Variants in RAPGEF3 observed in about 807,000 individuals in gnomAD.
RAPGEF3 encodes the protein 9330170P05Rik.
RAPGEF3 carries 103 observed loss-of-function variants against 129.8 expected under a neutral mutation model. The ratio of observed to expected loss-of-function variants is 0.79; its 90% CI spans 0.68 to 0.93. The LOEUF is 0.93. Among genes scored for constraint, RAPGEF3 ranks in the 40% least tolerant of loss-of-function variants. The probability of loss-of-function intolerance (pLI) is 0.00; values close to 1 mark genes in which losing one functional copy is unlikely to be tolerated. For missense variants in RAPGEF3, 1,117 were observed against 1,207.4 expected, an observed-to-expected ratio of 0.93 and a Z score of 1.11; for synonymous variants, 436 against 482.6, an observed-to-expected ratio of 0.90 and a Z score of 1.26.
At chr12:47,741,176 GTC>G in intron 19 of RAPGEF3, 136 bp from the exon 20 acceptor site, 1 of 1,114,584 alleles carries the variant, frequency 9.0e-7, no homozygotes, top group Non-Finnish European at 1.3e-6. Flanking sequence ...GGAGTAGAGG[GTC>G]TCTAGGGGCT....
At position 47,740,816 on chromosome 12, in the gene RAPGEF3, A is replaced by G. The variant is rs369449081; in HGVS notation, c.2057T>C (p.Leu686Pro). 16 of 1,613,750 alleles carry G rather than the reference A, an allele frequency of 9.9e-6. No individual in the cohort carries two copies. In the African/African-American group the frequency reaches 1.9e-4, roughly 19 times the overall value. ...SLFNSIHQVE[L>P]IHYVLGPQHL... ...CTGGGGGCCCAGCACATAGTGGATCAGCTCCACCTGGGTGGGGTCAGCAGG... is the reference window on the plus strand; with the variant it reads ...CTGGGGGCCCAGCACATAGTGGATCGGCTCCACCTGGGTGGGGTCAGCAGG... Residue 686 changes from leucine (L) to proline (P), a missense_variant, in exon 21 of 28, where the codon CTG (leucine) becomes CCG (proline). This residue lies in a region of RAPGEF3 where 643 missense variants were observed against 673.4 expected (regional missense o/e 0.95). Coordinates refer to ENST00000449771, the MANE Select transcript of RAPGEF3 (RefSeq NM_001098531.4).
Position 47,743,562 on chromosome 12 carries a change from C to T in RAPGEF3, c.1793G>A (p.Gly598Glu). The change falls in exon 18 of 28, where the codon GGG (glycine) becomes GAG (glutamate). Residue 598 changes from glycine to glutamate, a missense_variant. Physicochemically the swap from Gly to Glu is moderately conservative, Grantham distance 98. Transcript: ENST00000449771. ...ALAQEDGWTK[G>E]QVLVKVNSAG... ...AGAATTGACCTTCACCAGCACCTGCCCCTTGGTCCAGCCATCCTCCTGGGC... is the reference window on the plus strand; with the variant it reads ...AGAATTGACCTTCACCAGCACCTGCTCCTTGGTCCAGCCATCCTCCTGGGC... 6.2e-7 allele frequency: 1 copy of T among 1,614,162 alleles called. No individual in the cohort carries two copies. Among genetic ancestry groups the T allele is most frequent in the Non-Finnish European group, 8.5e-7 (1 of 1,180,002 alleles).
At chr12:47,750,909 C>T (rs1941701852) in intron 6 of RAPGEF3, 139 bp downstream of exon 6, 11 of 1,248,936 alleles carry the variant, frequency 8.8e-6, no homozygotes, top group Admixed American at 5.4e-5. Context: ...TGGCAGTCAG[C>T]GCCAGGGGCT....
At chr12:47,748,968 T>C (rs1941589696) in intron 10 of RAPGEF3, 37 bp from the exon 11 acceptor site, 14 of 1,519,084 alleles carry the variant, frequency 9.2e-6, no homozygotes, top group Middle Eastern at 1.7e-4. Flanking sequence ...CAACTCATGA[T>C]GTTCCAGCTT....
At chr12:47,748,672 G>T in intron 11 of RAPGEF3, 130 bp from the exon 12 acceptor site, 1 of 1,032,726 alleles carries the variant, frequency 9.7e-7, no homozygotes, top group Non-Finnish European at 1.5e-6. Flanking sequence ...GCAGGGAGGA[G>T]ACTGGCTCAG....
chr12:47,758,777 T>C lies in RAPGEF3; in HGVS notation c.-221A>G. 1 of 803,602 alleles carries C rather than the reference T, an allele frequency of 1.2e-6. No homozygotes were observed. 49.8% of individuals were successfully genotyped at this position (803,602 alleles called of 1,614,324 possible). A position where few individuals can be genotyped will look rare whatever the true frequency, so the allele number is the denominator to read the frequency against. ...GGTGAGTAGAGGGGTGGGGGCGTGG[T>C]GGGGGGACGCCACCCAGCCACCGGC... On this transcript the variant is annotated 5_prime_UTR_variant, in exon 1 of 28. Transcript: ENST00000449771.
At chr12:47,738,644 C>T in intron 25 of RAPGEF3, 46 bp downstream of exon 25, 4 of 1,507,840 alleles carry the variant, frequency 2.7e-6, no homozygotes, top group South Asian at 1.1e-5. Flanking sequence ...ACAGTCATGT[C>T]CTCCAACCTA....
intron 2 of RAPGEF3, among the ~76,000 whole-genome samples, chr12:47,753,322 C>A (rs1006463448): frequency 2.6e-5 from 4 of 152,188 alleles, no homozygotes; most frequent in Admixed American, 2.0e-4. Flanking sequence ...TCTCCCTACA[C>A]CCACCCCACC....
Position 47,740,125 on chromosome 12 carries a change from A to G in RAPGEF3, c.2373+16T>C. On this transcript the variant is annotated intron_variant, in intron 23 of 27. Transcript: ENST00000449771. ...TGATCCTAGCAGAGCCAGGCCGGGCAGGGTGGAGCACTCACCAGCAGCCTC... is the reference window on the plus strand; with the variant it reads ...TGATCCTAGCAGAGCCAGGCCGGGCGGGGTGGAGCACTCACCAGCAGCCTC... 1 of 1,610,896 alleles carries G rather than the reference A, an allele frequency of 6.2e-7. No individual in the cohort carries two copies. Among genetic ancestry groups the G allele is most frequent in the Non-Finnish European group, 8.5e-7 (1 of 1,178,814 alleles).
At chr12:47,737,812 A>G in intron 27 of RAPGEF3, 127 bp from the exon 28 acceptor site, 2 of 1,122,190 alleles carry the variant, frequency 1.8e-6, no homozygotes, top group Non-Finnish European at 2.6e-6. Flanking sequence ...CCCATCACCA[A>G]TTCCTAAAGA....
intron 6 of RAPGEF3, 136 bp from the exon 7 acceptor site, chr12:47,750,561 TA>T: frequency 2.8e-6 from 2 of 726,122 alleles, no homozygotes; most frequent in Non-Finnish European, 4.7e-6. Flanking sequence ...AGCTAACCTT[TA>T]CTGAGTGCGC....
rs1565771782 is a variant in RAPGEF3 at position 47,757,930 on chromosome 12, C to T, written c.155G>A (p.Arg52Gln). 3.9e-6 allele frequency: 6 copies of T among 1,556,664 alleles called. No individual in the cohort carries two copies. Among genetic ancestry groups the T allele is most frequent in the African/African-American group, 1.4e-5 (1 of 73,542 alleles). Reference protein sequence around the residue: ...NMVLRRMHRPRSCSYQLLLEH... With the variant: ...NMVLRRMHRPQSCSYQLLLEH... ...CAGCAGCAGCTGGTAGGAGCAGCTTCGGGGCCGGTGCATCCTTCTCAACAC... is the reference window on the plus strand; with the variant it reads ...CAGCAGCAGCTGGTAGGAGCAGCTTTGGGGCCGGTGCATCCTTCTCAACAC... Residue 52 changes from arginine (R) to glutamine (Q), a missense_variant, in exon 2 of 28, where the codon CGA becomes CAA. Coordinates refer to ENST00000449771, the MANE Select transcript of RAPGEF3 (RefSeq NM_001098531.4).
intron 2 of RAPGEF3, chr12:47,756,474 G>A (rs1224484389): frequency 1.3e-5 from 2 of 152,242 alleles, no homozygotes; most frequent in Non-Finnish European, 2.9e-5. Flanking sequence ...CCAGGCTCAT[G>A]ATAAGGAAGA....
intron 16 of RAPGEF3, chr12:47,744,366 G>A (rs1941317773): frequency 5.4e-6 from 2 of 367,474 alleles, no homozygotes; most frequent in African/African-American, 2.1e-5. Flanking sequence ...TTCAGCTGCT[G>A]ACTTTGGTTT....
rs1941112556 is a variant in RAPGEF3 at position 47,740,817 on chromosome 12, G to T, written c.2056C>A (p.Leu686Met). The change falls in exon 21 of 28, where the codon CTG becomes ATG. Residue 686 changes from leucine to methionine, a missense_variant. By Grantham distance (15) the Leu-to-Met change is conservative. Coordinates refer to ENST00000449771, the MANE Select transcript of RAPGEF3 (RefSeq NM_001098531.4). Reference protein sequence around the residue: ...SLFNSIHQVELIHYVLGPQHL... With the variant: ...SLFNSIHQVEMIHYVLGPQHL... ...TGGGGGCCCAGCACATAGTGGATCA[G>T]CTCCACCTGGGTGGGGTCAGCAGGA... 1 of 1,613,760 alleles carries T rather than the reference G, an allele frequency of 6.2e-7. No individual in the cohort carries two copies. Among genetic ancestry groups the T allele is most frequent in the Non-Finnish European group, 8.5e-7 (1 of 1,179,960 alleles).
At position 47,748,909 on chromosome 12, in the gene RAPGEF3, C is replaced by T. The variant is rs564238938; in HGVS notation, c.1064G>A (p.Arg355Gln). The change falls in exon 11 of 28, where the codon CGG (arginine) becomes CAG (glutamine). Residue 355 changes from arginine (R) to glutamine (Q), a missense_variant. Coordinates refer to ENST00000449771, the MANE Select transcript of RAPGEF3 (RefSeq NM_001098531.4). ...CACCACTTTGCCATGTTCTTCCAGC[C>T]GCATGGTCTTTGCCTCCACATCCTG... ...IIKDVEAKTM[R>Q]LEEHGKVVLV... 46 of 1,614,044 alleles carry T rather than the reference C, an allele frequency of 2.8e-5. No homozygotes were observed. The highest frequency in any genetic ancestry group is 4.0e-5 in the African/African-American group (3 of 75,024).
intron 2 of RAPGEF3, among the ~76,000 whole-genome samples, chr12:47,754,483 C>A (rs1293455777): frequency 2.0e-5 from 3 of 152,230 alleles, no homozygotes; most frequent in Admixed American, 2.0e-4. Flanking sequence ...TGCTTGGGTT[C>A]AAATCCTAGC....
rs747106424 is a variant in RAPGEF3, at chr12:47,747,786, G to A, written c.1399C>T (p.Arg467Trp). ...YVCNKRQQIL[R>W]LVSQWVALYG... The stretch of plus-strand genomic sequence containing the variant: ...AGGGCCACCCACTGGCTGACCAGCC[G>A]CAAGATCTGCTGCCTCTTGTTGCAG... Residue 467 changes from arginine to tryptophan, a missense_variant, in exon 14 of 28, where the codon CGG (arginine) becomes TGG (tryptophan). Coordinates refer to ENST00000449771, the MANE Select transcript of RAPGEF3 (RefSeq NM_001098531.4). 15 of 1,607,974 alleles carry A rather than the reference G, an allele frequency of 9.3e-6. No individual in the cohort carries two copies. Among genetic ancestry groups the A allele is most frequent in the Admixed American group, 5.0e-5 (3 of 60,006 alleles).
intron 16 of RAPGEF3, chr12:47,746,547 C>A: frequency 1.5e-6 from 1 of 663,594 alleles, no homozygotes. Flanking sequence ...CCTCAGGGGC[C>A]AACTCCAGCC....
Sources: allele counts gnomAD v4.1 joint callset (sites outside exome capture counted in the v4.1 genomes callset), GRCh38; gene constraint gnomAD v4.1.1; regional missense constraint gnomAD v4.1.1; transcripts MANE v1.5; gene names NCBI Gene and HGNC (gene_info 2026-07-23, HGNC 2026-07-21).